The following CADM1 variants were observed in gnomAD, a reference collection of about 807,000 sequenced individuals.
The protein encoded by CADM1 is TSLC-1.
A neutral mutation model predicts 53.1 loss-of-function variants in CADM1; 15 were observed. The ratio of observed to expected loss-of-function variants is 0.28; its 90% CI spans 0.19 to 0.44. The LOEUF (loss-of-function observed/expected upper bound fraction) is 0.44. Among genes scored for constraint, CADM1 ranks in the 20% least tolerant of loss-of-function variants. The pLI, the probability that CADM1 is intolerant of heterozygous loss-of-function variation, is 1.00. For missense variants in CADM1, 434 were observed against 611.3 expected, an observed-to-expected ratio of 0.71 and a Z score of 3.06; for synonymous variants, 281 against 243.0, an observed-to-expected ratio of 1.16 and a Z score of -1.45.
chr11:115,342,750 C>CCACAGTTAGTTTCATTTCTTAA (rs1479341706), intron 1 of CADM1, among the ~76,000 whole-genome samples: 3 of 152,034 alleles, frequency 2.0e-5, no homozygotes, highest in Non-Finnish European at 4.4e-5. Flanking sequence ...GCATATTTTA[C>CCACAGTTAGTTTCATTTCTTAA]CACAGTTAGT....
At chr11:115,184,396 G>A (rs1939448226) in intron 10 of CADM1, among the ~76,000 whole-genome samples, 2 of 152,180 alleles carry the variant, frequency 1.3e-5, no homozygotes, top group Non-Finnish European at 2.9e-5. Flanking sequence ...ATCCTAATAT[G>A]TTATTCTTCT....
Position 115,256,856 on chromosome 11 carries a change from T to C in CADM1, c.125-16436A>G, listed in dbSNP as rs142791468. ...CCACTGGTATGTCCAGATGCCTTCA[T>C]TGCAATGGGAGCAGATCTCTGAACA... is the stretch of plus-strand genomic sequence containing the variant. On this transcript the variant is annotated intron_variant, in intron 1 of 11. Transcript: ENST00000331581. The C allele has an allele frequency of 1.4e-3, 630 of 456,098 alleles. 1 individual carries two copies. Among genetic ancestry groups the C allele is most frequent in the Non-Finnish European group, 2.4e-3 (547 of 226,794 alleles). 28.3% of individuals were successfully genotyped at this position (456,098 alleles called of 1,614,324 possible).
At chr11:115,321,445 A>G (rs996058149) in intron 1 of CADM1, among the ~76,000 whole-genome samples, 1 of 152,188 alleles carries the variant, frequency 6.6e-6, no homozygotes, top group African/African-American at 2.4e-5. Flanking sequence ...TCAATTCAGT[A>G]TTTCTCCATT....
intron 1 of CADM1, among the ~76,000 whole-genome samples, chr11:115,409,385 T>C (rs1947398725): frequency 6.6e-6 from 1 of 152,226 alleles, no homozygotes; most frequent in African/African-American, 2.4e-5. Flanking sequence ...CGTTCTTCAC[T>C]TTATCCCTTA....
chr11:115,211,457 T>C (rs1940953748), intron 7 of CADM1, among the ~76,000 whole-genome samples: 1 of 149,704 alleles, frequency 6.7e-6, no homozygotes, highest in Admixed American at 6.7e-5. Flanking sequence ...TTTCCCCTGA[T>C]ATACTATAAT....
intron 1 of CADM1, among the ~76,000 whole-genome samples, chr11:115,288,567 A>G (rs1367974080): frequency 6.6e-6 from 1 of 152,090 alleles, no homozygotes; most frequent in East Asian, 1.9e-4. Context: ...TACACTGCCC[A>G]CACAACTTGT....
intron 8 of CADM1, among the ~76,000 whole-genome samples, chr11:115,206,758 C>CTTTTTTTTTTTTG (rs1940708209): frequency 2.6e-5 from 1 of 38,206 alleles, no homozygotes; most frequent in Non-Finnish European, 4.5e-5. Flanking sequence ...CTGTGGACTT[C>CTTTTTTTTTTTTG]TTTTTTTTTT....
chr11:115,238,645 C>G lies in CADM1; in HGVS notation c.279G>C (p.Lys93Asn), dbSNP rs758993526. Residue 93 changes from lysine to asparagine, a missense_variant, in exon 3 of 12, where the codon AAG becomes AAC. Transcript: ENST00000331581. ...AATTCAGCAACTGAAACCTGCTGTC[C>G]TTCAAAGCTGTGAAACAAAACAGAG... The part of the protein sequence containing the change: ...TIYFRDFRPL[K>N]DSRFQLLNFS... 6.2e-7 allele frequency: 1 copy of G among 1,613,730 alleles called. No individual in the cohort carries two copies. Among genetic ancestry groups the G allele is most frequent in the Non-Finnish European group, 8.5e-7 (1 of 1,179,750 alleles).
At position 115,390,701 on chromosome 11, in the gene CADM1, TG is replaced by T. The variant is rs561738431; in HGVS notation, c.124+113569del. ...AAAAAAAAAAAAGGTTGGGGGAGGGTGGGAGTATTAAGAGAATAGTGTATAG... is the reference window on the plus strand; with the variant it reads ...AAAAAAAAAAAAGGTTGGGGGAGGGTGGAGTATTAAGAGAATAGTGTATAG... On this transcript the variant is annotated intron_variant, in intron 1 of 11. Transcript: ENST00000331581. Among the ~76,000 whole-genome samples the T allele has an allele frequency of 1.8e-3, 246 of 140,534 alleles. 1 individual carries two copies. Among genetic ancestry groups the T allele is most frequent in the African/African-American group, 5.4e-3 (204 of 37,674 alleles). 92.2% of individuals were successfully genotyped at this position (140,534 alleles called of 152,430 possible).
At chr11:115,390,835 T>C (rs917479306) in intron 1 of CADM1, among the ~76,000 whole-genome samples, 1 of 152,234 alleles carries the variant, frequency 6.6e-6, no homozygotes, top group Non-Finnish European at 1.5e-5. Context: ...AAATGTACCC[T>C]GGTTTGAGTA....
intron 9 of CADM1, among the ~76,000 whole-genome samples, chr11:115,194,653 G>T (rs1940062072): frequency 6.6e-6 from 1 of 152,168 alleles, no homozygotes; most frequent in Admixed American, 6.5e-5. Flanking sequence ...ATAAAATGGA[G>T]AGGGGAGAGA....
intron 1 of CADM1, among the ~76,000 whole-genome samples, chr11:115,344,691 G>A (rs1945532197): frequency 6.6e-6 from 1 of 151,932 alleles, no homozygotes; most frequent in Admixed American, 6.6e-5. Flanking sequence ...TTTTTGCCAC[G>A]ACTACTCCTG....
In CADM1 at chr11:115,176,183, G is replaced by A. The variant is rs555261877; in HGVS notation, c.*291C>T. ...ACAAACAAACAAAAAACAAGGCACA[G>A]AATTTTCTGCAATCTACTGAAACTA... On this transcript the variant is annotated 3_prime_UTR_variant, in exon 12 of 12. Coordinates refer to ENST00000331581, the MANE Select transcript of CADM1 (RefSeq NM_001301043.2). 3.9e-5 allele frequency: 47 copies of A among 1,196,784 alleles called. No individual in the cohort carries two copies. In the East Asian group the frequency reaches 2.2e-3, roughly 56 times the overall value. 74.1% of individuals were successfully genotyped at this position (1,196,784 alleles called of 1,614,324 possible). A position where few individuals can be genotyped will look rare whatever the true frequency, so the allele number is the denominator to read the frequency against.
chr11:115,316,082 T>C (rs1944660333), intron 1 of CADM1, among the ~76,000 whole-genome samples: 1 of 152,170 alleles, frequency 6.6e-6, no homozygotes, highest in Non-Finnish European at 1.5e-5. Flanking sequence ...GCCATGAACA[T>C]GCCTGAGAAT....
chr11:115,297,604 A>C (rs1944112664), intron 1 of CADM1, among the ~76,000 whole-genome samples: 1 of 152,214 alleles, frequency 6.6e-6, no homozygotes, highest in Admixed American at 6.5e-5. Flanking sequence ...GCAATTCCTG[A>C]ATCGTTACAG....
chr11:115,411,600 T>C (rs1947461214), intron 1 of CADM1, among the ~76,000 whole-genome samples: 1 of 152,122 alleles, frequency 6.6e-6, no homozygotes, highest in African/African-American at 2.4e-5. Flanking sequence ...ACCCCTAAAA[T>C]AAACAACTAA....
chr11:115,424,764 G>T (rs1374173786), intron 1 of CADM1, among the ~76,000 whole-genome samples: 2 of 151,982 alleles, frequency 1.3e-5, no homozygotes, highest in Non-Finnish European at 2.9e-5. Context: ...GACCTCAAAT[G>T]ATCTGCCCAC....
At chr11:115,273,861 C>T (rs750654481) in intron 1 of CADM1, among the ~76,000 whole-genome samples, 1 of 152,162 alleles carries the variant, frequency 6.6e-6, no homozygotes, top group Non-Finnish European at 1.5e-5. Context: ...AAATTCAATG[C>T]CATCTTTGAA....
At chr11:115,429,619 T>C (rs1947990735) in intron 1 of CADM1, among the ~76,000 whole-genome samples, 1 of 152,018 alleles carries the variant, frequency 6.6e-6, no homozygotes, top group Non-Finnish European at 1.5e-5. Flanking sequence ...GCCGAAGTCA[T>C]TTATTTAAGT....
Sources: allele counts gnomAD v4.1 joint callset (sites outside exome capture counted in the v4.1 genomes callset), GRCh38; gene constraint gnomAD v4.1.1; transcripts MANE v1.5; gene names NCBI Gene and HGNC (gene_info 2026-07-23, HGNC 2026-07-21).